FBN2: variants seen among roughly 807,000 people sequenced by gnomAD.
The protein encoded by FBN2 is fibrillin-2.
FBN2 carries 105 observed loss-of-function variants against 355.6 expected under a neutral mutation model. That is an observed-to-expected ratio of 0.30 (90% confidence interval 0.25 to 0.35). The LOEUF (loss-of-function observed/expected upper bound fraction) is 0.35. Among genes scored for constraint, FBN2 ranks in the 10% least tolerant of loss-of-function variants. The pLI is 1.00. For synonymous variants in FBN2, 1,350 were observed against 1,301.2 expected (o/e 1.04, Z -0.81); for missense variants, 3,280 against 3,758.7 (o/e 0.87, Z 3.33).
chr5:128,368,420 GTATA>G (rs369622754), intron 16 of FBN2, among the ~76,000 whole-genome samples: 1 of 124,506 alleles, frequency 8.0e-6, no homozygotes, highest in Non-Finnish European at 1.8e-5. Context: ...GTGTGTGTGT[GTATA>G]TATATATATA....
intron 34 of FBN2, among the ~76,000 whole-genome samples, chr5:128,324,868 C>T (rs1211763207): frequency 6.6e-6 from 1 of 152,138 alleles, no homozygotes; most frequent in African/African-American, 2.4e-5. Context: ...ATCCACCGGC[C>T]TTGGCCTCCC....
At chr5:128,352,068 C>G (rs1022199420) in intron 20 of FBN2, among the ~76,000 whole-genome samples, 1 of 152,088 alleles carries the variant, frequency 6.6e-6, no homozygotes, top group African/African-American at 2.4e-5. Flanking sequence ...GCCAATATTT[C>G]TCCAGCTGAA....
At chr5:128,438,749 C>T (rs1483980736) in intron 7 of FBN2, among the ~76,000 whole-genome samples, 2 of 152,140 alleles carry the variant, frequency 1.3e-5, no homozygotes, top group Non-Finnish European at 2.9e-5. Flanking sequence ...AAAAAACTGC[C>T]AAATAAATGG....
chr5:128,525,968 T>C (rs1483038545), intron 4 of FBN2, among the ~76,000 whole-genome samples: 1 of 152,138 alleles, frequency 6.6e-6, no homozygotes, highest in Non-Finnish European at 1.5e-5. Flanking sequence ...AGTTGAGTAT[T>C]TGCAATGGAG....
At chr5:128,310,400 ATATTTTTT>A (rs1750020151) in intron 39 of FBN2, among the ~76,000 whole-genome samples, 34 of 13,234 alleles carry the variant, frequency 2.6e-3, no homozygotes, top group Non-Finnish European at 2.8e-3. Flanking sequence ...ATATATATAT[ATATTTTTT>A]TTTTTTTTTT....
At chr5:128,519,244 A>G (rs750900774) in intron 5 of FBN2, 29 bp downstream of exon 5, 2 of 1,472,112 alleles carry the variant, frequency 1.4e-6, no homozygotes, top group East Asian at 4.5e-5. Context: ...AGACTTCTTC[A>G]GAAAGTAAAG....
At chr5:128,536,330 T>A in intron 2 of FBN2, 72 bp downstream of exon 2, 1 of 1,170,244 alleles carries the variant, frequency 8.5e-7, no homozygotes, top group Non-Finnish European at 1.3e-6. Flanking sequence ...TCCAAATGGC[T>A]GAGTGCAAGA....
At chr5:128,463,869 GAAT>G (rs1754625577) in intron 6 of FBN2, among the ~76,000 whole-genome samples, 2 of 152,102 alleles carry the variant, frequency 1.3e-5, no homozygotes, top group African/African-American at 2.4e-5. Flanking sequence ...TCTCAAATAT[GAAT>G]AATATTATTT....
At chr5:128,418,257 G>A (rs1753256785) in intron 7 of FBN2, among the ~76,000 whole-genome samples, 1 of 151,960 alleles carries the variant, frequency 6.6e-6, no homozygotes, top group South Asian at 2.1e-4. Context: ...ACTCTAACTA[G>A]TGGTTTATCA....
chr5:128,361,352 C>T (rs563029457), intron 19 of FBN2, among the ~76,000 whole-genome samples: 20 of 152,080 alleles, frequency 1.3e-4, no homozygotes, highest in Non-Finnish European at 2.1e-4. Context: ...TTTTCCATTA[C>T]GATTCAGGTT....
rs958854707 is a variant in FBN2 at position 128,384,489 on chromosome 5, C to A, written c.1604-5599G>T. ...ACCACAATAAAGCTAGTTTAAAAAT[C>A]TGCACAATACTTCCATCATGATTAA... On this transcript the variant is annotated intron_variant, in intron 11 of 64. Transcript: ENST00000262464. Among the ~76,000 whole-genome samples the A allele has an allele frequency of 2.6e-5, 4 of 152,188 alleles. No individual in the cohort carries two copies. The East Asian group carries it at 7.7e-4, about 29-fold the overall frequency.
rs1764903343 is a variant in FBN2 at position 128,259,433 on chromosome 5, C to G, written c.*22G>C. ...AGACTGGCTGTGCTAGGATTTGAGC[C>G]TGGGCCCAAGTCTGTGAAGGGTTAA... On this transcript the variant is annotated 3_prime_UTR_variant, in exon 65 of 65. Transcript: ENST00000262464. 16 of 1,612,348 alleles carry G rather than the reference C, an allele frequency of 9.9e-6. No individual in the cohort carries two copies. The highest frequency in any genetic ancestry group is 1.3e-5 in the African/African-American group (1 of 74,850).
chr5:128,437,878 A>G (rs1339446427), intron 7 of FBN2, among the ~76,000 whole-genome samples: 3 of 152,236 alleles, frequency 2.0e-5, no homozygotes, highest in African/African-American at 7.2e-5. Context: ...TGAAAGCATC[A>G]TAAAAAAGAA....
intron 7 of FBN2, among the ~76,000 whole-genome samples, chr5:128,416,044 T>TA (rs975824003): frequency 2.0e-5 from 3 of 151,372 alleles, no homozygotes; most frequent in African/African-American, 7.3e-5. Flanking sequence ...TTTTTTTTTT[T>TA]AGACAGAGTT....
At chr5:128,307,396 A>G (rs912737792) in intron 41 of FBN2, among the ~76,000 whole-genome samples, 193 bp from the exon 42 acceptor site, 3 of 152,118 alleles carry the variant, frequency 2.0e-5, no homozygotes, top group African/African-American at 7.2e-5. Flanking sequence ...CATTATTATC[A>G]TTGTTATTTC....
chr5:128,467,931 C>T (rs1391213044), intron 5 of FBN2, among the ~76,000 whole-genome samples: 1 of 152,126 alleles, frequency 6.6e-6, no homozygotes, highest in African/African-American at 2.4e-5. Flanking sequence ...ACTTTGGCTG[C>T]TAATTGTTTT....
chr5:128,469,917 A>T (rs988764776), intron 5 of FBN2, among the ~76,000 whole-genome samples: 37 of 152,302 alleles, frequency 2.4e-4, no homozygotes, highest in African/African-American at 8.7e-4. Flanking sequence ...CCAACAGGAG[A>T]CGTCCAGTGT....
intron 27 of FBN2, among the ~76,000 whole-genome samples, chr5:128,337,779 T>TA (rs1223759242): frequency 2.6e-5 from 4 of 152,064 alleles, no homozygotes. Context: ...TGGCTTGTTA[T>TA]AAAAAAAGAG....
intron 61 of FBN2, among the ~76,000 whole-genome samples, chr5:128,272,585 T>C (rs1388470342): frequency 6.6e-6 from 1 of 151,254 alleles, no homozygotes; most frequent in Non-Finnish European, 1.5e-5. Flanking sequence ...ACCTAAAAAG[T>C]ACAATTATAT....
Sources: gnomAD v4.1 joint callset for allele counts (sites outside exome capture counted in the v4.1 genomes callset) on GRCh38, gnomAD v4.1.1 for gene constraint, MANE v1.5 for transcripts, NCBI Gene and HGNC (gene_info 2026-07-23, HGNC 2026-07-21) for gene names.